The following CTNNA2 variants were observed in gnomAD, a reference collection of about 807,000 sequenced individuals.
CTNNA2 encodes catenin alpha-2.
A neutral mutation model predicts 101.0 loss-of-function variants in CTNNA2; 42 were observed. The ratio of observed to expected loss-of-function variants is 0.42; its 90% CI spans 0.32 to 0.54. The LOEUF is 0.54. Among genes scored for constraint, CTNNA2 ranks in the 20% least tolerant of loss-of-function variants. CTNNA2 has a pLI of 0.14. For synonymous variants in CTNNA2, 450 were observed against 456.4 expected (o/e 0.99, Z 0.18); for missense variants, 871 against 1,223.1 (o/e 0.71, Z 4.29).
At chr2:80,294,538 A>G (rs1675566811) in intron 7 of CTNNA2, among the ~76,000 whole-genome samples, 1 of 152,060 alleles carries the variant, frequency 6.6e-6, no homozygotes, top group African/African-American at 2.4e-5. Flanking sequence ...AGACTTTTGG[A>G]TCTTGTAGAT....
intron 9 of CTNNA2, among the ~76,000 whole-genome samples, chr2:80,445,192 A>G (rs576333881): frequency 1.1e-4 from 16 of 151,384 alleles, no homozygotes; most frequent in Non-Finnish European, 1.9e-4. Context: ...TTATTTATTT[A>G]TTTTTTTGAG....
intron 9 of CTNNA2, among the ~76,000 whole-genome samples, chr2:80,433,230 A>G (rs1412790409): frequency 1.3e-5 from 2 of 152,180 alleles, no homozygotes; most frequent in Admixed American, 6.5e-5. Flanking sequence ...TCCTGTGCCT[A>G]TTCTGTAAAC....
intron 2 of CTNNA2, among the ~76,000 whole-genome samples, chr2:79,684,284 T>C (rs891715878): frequency 1.3e-5 from 2 of 152,248 alleles, no homozygotes; most frequent in African/African-American, 2.4e-5. Context: ...TGATATTTTC[T>C]ATTCTATCTT....
At chr2:79,867,704 G>C (rs1322096790) in intron 4 of CTNNA2, among the ~76,000 whole-genome samples, 2 of 151,988 alleles carry the variant, frequency 1.3e-5, no homozygotes, top group African/African-American at 4.8e-5. Context: ...TAAGTTATGT[G>C]TAACACCGTA....
chr2:80,552,395 T>A (rs1692644820), intron 11 of CTNNA2, among the ~76,000 whole-genome samples: 1 of 152,208 alleles, frequency 6.6e-6, no homozygotes, highest in Non-Finnish European at 1.5e-5. Flanking sequence ...AGATTGTTTT[T>A]AATAAAGTAC....
intron 7 of CTNNA2, among the ~76,000 whole-genome samples, chr2:80,359,797 C>T (rs1343201861): frequency 6.6e-6 from 1 of 152,088 alleles, no homozygotes; most frequent in African/African-American, 2.4e-5. Context: ...TATAGCTTTT[C>T]ACTAAGTTAT....
At chr2:79,544,112 A>G (rs1168487695) in intron 1 of CTNNA2, among the ~76,000 whole-genome samples, 1 of 152,114 alleles carries the variant, frequency 6.6e-6, no homozygotes, top group Non-Finnish European at 1.5e-5. Flanking sequence ...TAATTTTTGT[A>G]TTTTTGGTAG....
chr2:79,617,887 T>G (rs1000438014), intron 1 of CTNNA2, among the ~76,000 whole-genome samples: 4 of 152,140 alleles, frequency 2.6e-5, no homozygotes, highest in African/African-American at 9.7e-5. Flanking sequence ...CTGTCTCAGT[T>G]CTTCCCCTGT....
intron 7 of CTNNA2, among the ~76,000 whole-genome samples, chr2:80,033,148 C>CAAAA (rs781462046): frequency 5.4e-5 from 3 of 56,054 alleles, no homozygotes; most frequent in Non-Finnish European, 7.5e-5. Flanking sequence ...GACTCCATCT[C>CAAAA]AAAAAAAAAA....
At chr2:80,270,031 G>A (rs1010832772) in intron 7 of CTNNA2, among the ~76,000 whole-genome samples, 2 of 152,156 alleles carry the variant, frequency 1.3e-5, no homozygotes, top group African/African-American at 4.8e-5. Flanking sequence ...ACCAGGAGTT[G>A]TAAAACTGAC....
chr2:79,835,123 A>T (rs1679223633), intron 3 of CTNNA2, among the ~76,000 whole-genome samples: 1 of 152,150 alleles, frequency 6.6e-6, no homozygotes, highest in Non-Finnish European at 1.5e-5. Flanking sequence ...AATTCTTCAC[A>T]ATCCTCTTGG....
At chr2:80,476,343 G>A (rs1366142432) in intron 9 of CTNNA2, among the ~76,000 whole-genome samples, 2 of 152,056 alleles carry the variant, frequency 1.3e-5, no homozygotes, top group East Asian at 1.9e-4. Flanking sequence ...TGAGCTTCAC[G>A]TAACTGCCAA....
intron 4 of CTNNA2, among the ~76,000 whole-genome samples, chr2:79,401,549 T>C (rs1277705037): frequency 2.0e-5 from 3 of 151,546 alleles, no homozygotes; most frequent in South Asian, 2.1e-4. Context: ...ACCACATTGC[T>C]TTAAATTAGA....
chr2:80,273,585 C>T (rs1673666324), intron 7 of CTNNA2, among the ~76,000 whole-genome samples: 2 of 152,158 alleles, frequency 1.3e-5, no homozygotes, highest in Admixed American at 1.3e-4. Context: ...CTCCACTCCT[C>T]TCCATTCTGC....
chr2:79,671,874 TA>T (rs1467752727), intron 2 of CTNNA2, among the ~76,000 whole-genome samples: 1 of 152,212 alleles, frequency 6.6e-6, no homozygotes, highest in Non-Finnish European at 1.5e-5. Flanking sequence ...TTCTATCAGC[TA>T]AAGGTAAAAG....
intron 13 of CTNNA2, chr2:80,576,317 CAG>C (rs1169334069): frequency 6.6e-6 from 1 of 151,562 alleles, no homozygotes; most frequent in Non-Finnish European, 1.5e-5. Context: ...ATTCCAGCCT[CAG>C]CTGTCAGGAC....
chr2:79,972,145 G>A (rs1007973648), intron 7 of CTNNA2, among the ~76,000 whole-genome samples: 3 of 152,150 alleles, frequency 2.0e-5, no homozygotes, highest in Admixed American at 6.6e-5. Flanking sequence ...ACAGTTCATC[G>A]TCATGGTTCA....
intron 7 of CTNNA2, among the ~76,000 whole-genome samples, chr2:80,317,805 T>C (rs1182898803): frequency 1.3e-5 from 2 of 152,174 alleles, no homozygotes; most frequent in Non-Finnish European, 2.9e-5. Context: ...ACATAACTCA[T>C]TGAAGTCATG....
chr2:80,538,783 G>A (rs1022869976), intron 9 of CTNNA2, among the ~76,000 whole-genome samples: 1 of 152,112 alleles, frequency 6.6e-6, no homozygotes, highest in African/African-American at 2.4e-5. Flanking sequence ...TAGCTTAATG[G>A]GAATAGCATT....
Sources: allele counts gnomAD v4.1 joint callset (sites outside exome capture counted in the v4.1 genomes callset), GRCh38; gene constraint gnomAD v4.1.1; transcripts MANE v1.5; gene names NCBI Gene and HGNC (gene_info 2026-07-23, HGNC 2026-07-21).